NIPAL2: variants seen among roughly 807,000 people sequenced by gnomAD.
NIPAL2 encodes the protein NIPA-like protein 2.
Under a neutral mutation model 48.9 loss-of-function variants are expected in NIPAL2, and 43 were observed. The ratio of observed to expected loss-of-function variants is 0.88; its 90% confidence interval spans 0.69 to 1.13. NIPAL2 has a LOEUF of 1.13. NIPAL2 is among the 50% of genes most tolerant of loss of function. The pLI is 0.00. For missense variants in NIPAL2, 446 were observed against 461.4 expected (o/e 0.97, Z 0.31); for synonymous variants, 167 against 174.6 (o/e 0.96, Z 0.34).
intron 3 of NIPAL2, among the ~76,000 whole-genome samples, chr8:98,240,417 C>T (rs977790326): frequency 2.0e-5 from 3 of 152,208 alleles, no homozygotes; most frequent in African/African-American, 4.8e-5. Flanking sequence ...CTGATTCAGA[C>T]AGGCTATTTT....
chr8:98,281,114 A>G (rs1291359112), intron 1 of NIPAL2, among the ~76,000 whole-genome samples: 1 of 152,104 alleles, frequency 6.6e-6, no homozygotes, highest in African/African-American at 2.4e-5. Context: ...AGAAAAACAC[A>G]CTATGTAGAG....
Position 98,212,391 on chromosome 8 carries a change from A to G in NIPAL2, c.655+14T>C. 6.8e-7 allele frequency: 1 copy of G among 1,466,992 alleles called. No individual in the cohort carries two copies. The highest frequency in any genetic ancestry group is 9.5e-7 in the Non-Finnish European group (1 of 1,049,018). 90.9% of individuals were successfully genotyped at this position (1,466,992 alleles called of 1,614,324 possible). ...AGCTCAATTAAAGAATAAGAAAACA[A>G]AATATGCCTTTACCTAGAATTGCCA... On this transcript the variant is annotated intron_variant, in intron 6 of 10. Coordinates refer to ENST00000430223, the MANE Select transcript of NIPAL2 (RefSeq NM_001321635.2).
chr8:98,204,665 C>T (rs1038117240), intron 7 of NIPAL2, among the ~76,000 whole-genome samples: 2 of 151,932 alleles, frequency 1.3e-5, no homozygotes, highest in Admixed American at 1.3e-4. Flanking sequence ...AAAGGATTTC[C>T]CTCCCGGCCA....
At chr8:98,198,388 A>C (rs1010916500) in intron 8 of NIPAL2, among the ~76,000 whole-genome samples, 5 of 152,196 alleles carry the variant, frequency 3.3e-5, no homozygotes, top group African/African-American at 4.8e-5. Context: ...TGGTTTTCAG[A>C]ATGGTTAATA....
chr8:98,270,362 T>C lies in NIPAL2; in HGVS notation c.136-16275A>G, dbSNP rs551866149. Among the ~76,000 whole-genome samples, 7 of 152,340 alleles carry C rather than the reference T, an allele frequency of 4.6e-5. No individual in the cohort carries two copies. In the East Asian group the frequency reaches 1.2e-3, roughly 25 times the overall value. ...CCAGCATCTGTTGTTTTTTTACTTTTTAATAATAGCCATTCTGACTGGTAT... is the reference window on the plus strand; with the variant it reads ...CCAGCATCTGTTGTTTTTTTACTTTCTAATAATAGCCATTCTGACTGGTAT... On this transcript the variant is annotated intron_variant, in intron 1 of 10. Transcript: ENST00000430223.
chr8:98,240,319 CG>C (rs1563514174), intron 3 of NIPAL2, among the ~76,000 whole-genome samples: 1 of 151,984 alleles, frequency 6.6e-6, no homozygotes, highest in Non-Finnish European at 1.5e-5. Flanking sequence ...AGTACTTTTT[CG>C]GGGGGAAAAC....
intron 1 of NIPAL2, 67 bp from the exon 2 acceptor site, chr8:98,254,154 T>A (rs1813747793): frequency 7.6e-7 from 1 of 1,307,966 alleles, no homozygotes; most frequent in Non-Finnish European, 1.1e-6. Flanking sequence ...AAAGACAAAT[T>A]TAGGTGTTCA....
Position 98,192,940 on chromosome 8 carries a change from G to C in NIPAL2, c.*38C>G, listed in dbSNP as rs757085139. On this transcript the variant is annotated 3_prime_UTR_variant, in exon 11 of 11. Transcript: ENST00000430223. ...ACATGTGCAATTTTTTAAAAAGGTG[G>C]TATCGAATAACAGGCCAACAGCCAT... 3.9e-6 allele frequency: 5 copies of C among 1,272,966 alleles called. No individual in the cohort carries two copies. The South Asian group carries it at 5.9e-5, about 15-fold the overall frequency. 78.9% of individuals were successfully genotyped at this position (1,272,966 alleles called of 1,614,324 possible).
At chr8:98,256,133 C>T (rs759985390) in intron 1 of NIPAL2, among the ~76,000 whole-genome samples, 9 of 152,154 alleles carry the variant, frequency 5.9e-5, no homozygotes, top group East Asian at 3.9e-4. Flanking sequence ...AAGCGATTCT[C>T]GTGCCTCAGC....
chr8:98,216,014 T>C (rs1811558225), intron 5 of NIPAL2, among the ~76,000 whole-genome samples: 1 of 152,174 alleles, frequency 6.6e-6, no homozygotes, highest in Non-Finnish European at 1.5e-5. Flanking sequence ...CCAGTACCAA[T>C]ATCTGAGCCC....
At chr8:98,269,892 A>G (rs188374858) in intron 1 of NIPAL2, among the ~76,000 whole-genome samples, 180 of 152,228 alleles carry the variant, frequency 1.2e-3, no homozygotes, top group African/African-American at 4.2e-3. Context: ...ATGTCCATGT[A>G]TACACAAGAT....
At chr8:98,275,007 A>G (rs918086694) in intron 1 of NIPAL2, among the ~76,000 whole-genome samples, 2 of 152,150 alleles carry the variant, frequency 1.3e-5, no homozygotes, top group Admixed American at 6.5e-5. Context: ...TTATGGATTC[A>G]TAGTAGGTTG....
chr8:98,241,348 G>T (rs1368472214), intron 3 of NIPAL2, among the ~76,000 whole-genome samples: 1 of 152,208 alleles, frequency 6.6e-6, no homozygotes, highest in Non-Finnish European at 1.5e-5. Context: ...TTAGAGCCAG[G>T]TGCTCTTTTC....
intron 4 of NIPAL2, among the ~76,000 whole-genome samples, chr8:98,234,067 T>A (rs1812585823): frequency 6.6e-6 from 1 of 152,166 alleles, no homozygotes; most frequent in African/African-American, 2.4e-5. Flanking sequence ...TTGGTTGTCA[T>A]AACTGAGTGG....
At chr8:98,290,528 T>C (rs549236521) in intron 1 of NIPAL2, among the ~76,000 whole-genome samples, 9 of 152,332 alleles carry the variant, frequency 5.9e-5, no homozygotes, top group African/African-American at 2.2e-4. Context: ...TTCAACCACA[T>C]AGCATGAGGG....
intron 1 of NIPAL2, among the ~76,000 whole-genome samples, chr8:98,292,593 A>G (rs1023095414): frequency 2.0e-5 from 3 of 152,182 alleles, no homozygotes; most frequent in Non-Finnish European, 4.4e-5. Flanking sequence ...GTCACATGAT[A>G]ATCTGTGTTT....
At chr8:98,219,075 AAGG>A (rs1391821794) in intron 5 of NIPAL2, among the ~76,000 whole-genome samples, 2 of 152,060 alleles carry the variant, frequency 1.3e-5, no homozygotes, top group African/African-American at 4.8e-5. Flanking sequence ...AATGAGGGTG[AAGG>A]AGAAGTCATG....
intron 1 of NIPAL2, among the ~76,000 whole-genome samples, chr8:98,266,361 G>T (rs1814740105): frequency 6.6e-6 from 1 of 151,976 alleles, no homozygotes; most frequent in Non-Finnish European, 1.5e-5. Context: ...TAGCACTTTG[G>T]GAGGCTGAGA....
rs1040696146 is a variant in NIPAL2, at chr8:98,294,193, C to T, written c.-56G>A. Reference sequence around the variant, plus strand: ...CTCGGGCTGCGGCCGCCTCCCCGCCCTGTTGCACCGCGAGGAGGCCGCGCC... The same window carrying T: ...CTCGGGCTGCGGCCGCCTCCCCGCCTTGTTGCACCGCGAGGAGGCCGCGCC... On this transcript the variant is annotated 5_prime_UTR_variant, in exon 1 of 11. Coordinates refer to ENST00000430223, the MANE Select transcript of NIPAL2 (RefSeq NM_001321635.2). 6.4e-6 allele frequency: 8 copies of T among 1,249,018 alleles called. No homozygotes were observed. Among genetic ancestry groups the T allele is most frequent in the East Asian group, 6.7e-5 (2 of 29,862 alleles). 77.4% of individuals were successfully genotyped at this position (1,249,018 alleles called of 1,614,324 possible). A position where few individuals can be genotyped will look rare whatever the true frequency, so the allele number is the denominator to read the frequency against.
Sources: allele counts gnomAD v4.1 joint callset (sites outside exome capture counted in the v4.1 genomes callset), GRCh38; gene constraint gnomAD v4.1.1; transcripts MANE v1.5; gene names NCBI Gene and HGNC (gene_info 2026-07-23, HGNC 2026-07-21).